PPM1L: variants seen among roughly 807,000 people sequenced by gnomAD.
PPM1L encodes protein phosphatase 1L.
Under a neutral mutation model 31.4 loss-of-function variants are expected in PPM1L, and 13 were observed. The observed-to-expected ratio is 0.41, with a 90% CI of 0.27 to 0.66. The LOEUF (loss-of-function observed/expected upper bound fraction) is 0.66. PPM1L is among the 30% of genes least tolerant of loss of function. PPM1L has a pLI of 0.29. For missense variants in PPM1L, 326 were observed against 453.7 expected (o/e 0.72, Z 2.56); for synonymous variants, 184 against 175.4 (o/e 1.05, Z -0.39).
intron 1 of PPM1L, among the ~76,000 whole-genome samples, chr3:160,867,308 C>T (rs1456173535): frequency 1.2e-4 from 17 of 147,434 alleles, no homozygotes; most frequent in Non-Finnish European, 2.2e-4. Context: ...CTATTTTGGC[C>T]TGAAATGAGT....
chr3:160,880,086 A>G (rs1712654843), intron 1 of PPM1L, among the ~76,000 whole-genome samples: 1 of 152,192 alleles, frequency 6.6e-6, no homozygotes. Context: ...AGCAGAGAGC[A>G]TGCCCTTTTC....
chr3:161,003,106 C>T (rs1717562256), intron 2 of PPM1L, among the ~76,000 whole-genome samples: 2 of 151,650 alleles, frequency 1.3e-5, no homozygotes, highest in East Asian at 1.9e-4. Flanking sequence ...ATCCTTTCCC[C>T]ATTGCTTGTT....
chr3:160,986,400 G>A (rs1716966148), intron 2 of PPM1L, among the ~76,000 whole-genome samples: 1 of 152,064 alleles, frequency 6.6e-6, no homozygotes, highest in South Asian at 2.1e-4. Context: ...GGTTTCCTGA[G>A]GCCTGAGTTT....
At chr3:160,915,977 A>G (rs1310091191) in intron 1 of PPM1L, among the ~76,000 whole-genome samples, 3 of 152,224 alleles carry the variant, frequency 2.0e-5, no homozygotes, top group Non-Finnish European at 4.4e-5. Context: ...CCTAGGCAAT[A>G]CCATTCAGGA....
chr3:161,052,535 A>G (rs9883566), intron 2 of PPM1L, among the ~76,000 whole-genome samples: 43,376 of 152,146 alleles, frequency 0.29, 6,500 homozygotes, highest in East Asian at 0.58. Flanking sequence ...AAAGCTGAGC[A>G]TAACTATTTC....
chr3:160,950,993 A>G (rs1715559374), intron 1 of PPM1L, among the ~76,000 whole-genome samples: 1 of 152,244 alleles, frequency 6.6e-6, no homozygotes, highest in Non-Finnish European at 1.5e-5. Flanking sequence ...TCTCTGATTT[A>G]TGAAACATAG....
rs1576715691 is a variant in PPM1L at position 160,922,092 on chromosome 3, C to CAA, written c.400-39644_400-39643insAA. On this transcript the variant is annotated intron_variant, in intron 1 of 3. Transcript: ENST00000498165. ...TTGGGAGGCCAAGGCGGGCAGATCA[C>CAA]GAGGTCAGGAGATCAAGACCATCCT... 2.6e-5 allele frequency among the ~76,000 whole-genome samples: 4 copies of CAA among 152,196 alleles called. No homozygotes were observed. In the East Asian group the frequency reaches 7.8e-4, roughly 30 times the overall value.
At chr3:160,940,237 G>A (rs1296988507) in intron 1 of PPM1L, among the ~76,000 whole-genome samples, 2 of 152,160 alleles carry the variant, frequency 1.3e-5, no homozygotes, top group East Asian at 3.8e-4. Context: ...GGGAAGCAGA[G>A]CACAAGCATT....
At chr3:160,856,356 A>G (rs1012821138) in intron 1 of PPM1L, among the ~76,000 whole-genome samples, 4 of 152,224 alleles carry the variant, frequency 2.6e-5, no homozygotes, top group Non-Finnish European at 5.9e-5. Flanking sequence ...ACATGCATTC[A>G]TATGTTAATC....
chr3:160,803,507 G>A lies in PPM1L; in HGVS notation c.399+46800G>A, dbSNP rs563314176. Among the ~76,000 whole-genome samples, 22 of 102,708 alleles carry A rather than the reference G, an allele frequency of 2.1e-4. 6 individuals are homozygous for A. Among genetic ancestry groups the A allele is most frequent in the Admixed American group, 2.1e-3 (22 of 10,390 alleles). 67.4% of individuals were successfully genotyped at this position (102,708 alleles called of 152,430 possible). A position where few individuals can be genotyped will look rare whatever the true frequency, so the allele number is the denominator to read the frequency against. ...ATGCCTTATGGCTCCACTTAGAAATGTCATATTTTAGAGAGATCACTGGTA... is the reference window on the plus strand; with the variant it reads ...ATGCCTTATGGCTCCACTTAGAAATATCATATTTTAGAGAGATCACTGGTA... On this transcript the variant is annotated intron_variant, in intron 1 of 3. Coordinates refer to ENST00000498165, the MANE Select transcript of PPM1L (RefSeq NM_139245.4).
intron 1 of PPM1L, among the ~76,000 whole-genome samples, chr3:160,853,695 A>AT (rs5853908): frequency 0.56 from 85,560 of 151,974 alleles, 27,133 homozygotes; most frequent in African/African-American, 0.87. Context: ...ATTGAAAATC[A>AT]TGAAAATAAT....
intron 2 of PPM1L, among the ~76,000 whole-genome samples, chr3:161,039,557 C>CT (rs558509069): frequency 2.0e-4 from 31 of 152,284 alleles, no homozygotes; most frequent in Admixed American, 5.2e-4. Context: ...GAGTCTCGCT[C>CT]TGTCGCCCAG....
intron 2 of PPM1L, among the ~76,000 whole-genome samples, chr3:160,979,337 A>G (rs1156432191): frequency 1.3e-5 from 2 of 151,992 alleles, no homozygotes; most frequent in Admixed American, 6.6e-5. Context: ...TGGACAGGAC[A>G]CCATCTCATC....
chr3:160,823,490 G>A (rs552718078), intron 1 of PPM1L, among the ~76,000 whole-genome samples: 1 of 151,554 alleles, frequency 6.6e-6, no homozygotes, highest in Non-Finnish European at 1.5e-5. Flanking sequence ...TGGCATTACA[G>A]GCATGAACCA....
chr3:160,772,742 AG>A (rs1715291367), intron 1 of PPM1L, among the ~76,000 whole-genome samples: 1 of 152,146 alleles, frequency 6.6e-6, no homozygotes, highest in Non-Finnish European at 1.5e-5. Flanking sequence ...CTTCATCTCT[AG>A]GCAACCATTA....
chr3:160,822,511 T>C (rs2108091761), intron 1 of PPM1L, among the ~76,000 whole-genome samples: 1 of 152,248 alleles, frequency 6.6e-6, no homozygotes, highest in Middle Eastern at 3.4e-3. Flanking sequence ...GTGTATTTGT[T>C]ATTTAATATT....
intron 1 of PPM1L, among the ~76,000 whole-genome samples, chr3:160,821,220 C>T (rs1247617415): frequency 1.3e-5 from 2 of 151,662 alleles, no homozygotes; most frequent in African/African-American, 4.9e-5. Flanking sequence ...GGAACTGGAA[C>T]ATATAATTAT....
At chr3:160,981,728 C>G (rs1014314687) in intron 2 of PPM1L, among the ~76,000 whole-genome samples, 2 of 121,824 alleles carry the variant, frequency 1.6e-5, no homozygotes, top group African/African-American at 6.0e-5. Context: ...ACCTTTCCTT[C>G]TCATTTTATT....
chr3:161,000,419 G>A (rs1717445553), intron 2 of PPM1L, among the ~76,000 whole-genome samples: 1 of 152,146 alleles, frequency 6.6e-6, no homozygotes. Flanking sequence ...TGAGGAAGAA[G>A]CAATTCAAGA....
Sources: allele counts gnomAD v4.1 joint callset (sites outside exome capture counted in the v4.1 genomes callset), GRCh38; gene constraint gnomAD v4.1.1; transcripts MANE v1.5; gene names NCBI Gene and HGNC (gene_info 2026-07-23, HGNC 2026-07-21).